ABI2: variants seen among roughly 807,000 people sequenced by gnomAD.
The protein encoded by ABI2 is abelson interactor 2.
A neutral mutation model predicts 59.2 loss-of-function variants in ABI2; 25 were observed. That is an observed-to-expected ratio of 0.42 (90% confidence interval 0.31 to 0.59). The LOEUF (loss-of-function observed/expected upper bound fraction) is 0.59, where lower values mean the gene tolerates loss of function less well. ABI2 is among the 20% of genes least tolerant of loss of function. The pLI, the probability that ABI2 is intolerant of heterozygous loss-of-function variation, is 0.14. For missense variants in ABI2, 545 were observed against 681.8 expected (o/e 0.80, Z 2.23); for synonymous variants, 213 against 235.5 (o/e 0.90, Z 0.87).
In ABI2 at chr2:203,395,669, A is replaced by G. The variant is rs1341436887; in HGVS notation, c.739A>G (p.Ser247Gly). 6.2e-7 allele frequency: 1 copy of G among 1,611,538 alleles called. No homozygotes were observed. Residue 247 changes from serine (S) to glycine (G), a missense_variant, in exon 7 of 12, where the codon AGT becomes GGT. By Grantham distance (56) the Ser-to-Gly change is moderately conservative (BLOSUM62 0). Coordinates refer to ENST00000261018, the MANE Select transcript of ABI2 (RefSeq NM_001375670.1). ...RNRTYSSSGS[S>G]GGSHPSSRSS... ...TTATTTCTTTAGCAGCAGTGGGAGT[A>G]GTGGAGGGAGCCACCCAAGTAGTCG...
Position 203,415,486 on chromosome 2 carries a change from G to A in ABI2, c.1280-1422G>A, listed in dbSNP as rs7597005. On this transcript the variant is annotated intron_variant, in intron 10 of 11. Coordinates refer to ENST00000261018, the MANE Select transcript of ABI2 (RefSeq NM_001375670.1). Reference sequence around the variant, plus strand: ...CAAAAAATTAGCTGGGTGTGGTGGCGGGCGCCTGTAGTCCCAGCTACTTGG... The same window carrying A: ...CAAAAAATTAGCTGGGTGTGGTGGCAGGCGCCTGTAGTCCCAGCTACTTGG... Among the ~76,000 whole-genome samples the A allele has an allele frequency of 3.1e-3, 467 of 151,956 alleles. 6 individuals carry two copies. Among genetic ancestry groups the A allele is most frequent in the African/African-American group, 9.9e-3 (409 of 41,456 alleles).
chr2:203,338,908 C>CTGTGTGTGTGTG (rs148766477), intron 1 of ABI2, among the ~76,000 whole-genome samples: 10 of 64,032 alleles, frequency 1.6e-4, no homozygotes, highest in African/African-American at 6.8e-4. Context: ...GGGTTTATAT[C>CTGTGTGTGTGTG]TGTGTGTGTG....
At chr2:203,374,014 C>T (rs1490847269) in intron 2 of ABI2, among the ~76,000 whole-genome samples, 1 of 151,722 alleles carries the variant, frequency 6.6e-6, no homozygotes, top group Non-Finnish European at 1.5e-5. Flanking sequence ...CAAAAATTAG[C>T]CAGGTGTGGT....
intron 1 of ABI2, chr2:203,355,436 T>G (rs373314253): frequency 1.2e-5 from 2 of 166,810 alleles, no homozygotes; most frequent in Admixed American, 5.7e-5. Flanking sequence ...TGCTTGAGCC[T>G]GAGAGTTTGA....
intron 4 of ABI2, among the ~76,000 whole-genome samples, chr2:203,384,306 T>TGTTTTG (rs2096347256): frequency 1.4e-5 from 2 of 138,378 alleles, no homozygotes; most frequent in African/African-American, 6.2e-5. Context: ...TTTTTTTTTT[T>TGTTTTG]TTTTTTTTTT....
In ABI2 at chr2:203,395,754, C is replaced by T; in HGVS notation, c.824C>T (p.Thr275Ile). The part of the protein sequence containing the change: ...GSVGVPIAVP[T>I]PSPPSVFPAP... Reference sequence around the variant, plus strand: ...GTGGGGGTTCCTATTGCTGTTCCTACTCCATCTCCTCCCAGTGTCTTTCCA... The same window carrying T: ...GTGGGGGTTCCTATTGCTGTTCCTATTCCATCTCCTCCCAGTGTCTTTCCA... Residue 275 changes from threonine to isoleucine, a missense_variant, in exon 7 of 12, where the codon ACT (threonine) becomes ATT (isoleucine). Around this residue, in one of 4 missense-constraint regions of ABI2, gnomAD observed 410 missense variants for 435.6 expected, o/e 0.94. Coordinates refer to ENST00000261018, the MANE Select transcript of ABI2 (RefSeq NM_001375670.1). 4 of 1,603,778 alleles carry T rather than the reference C, an allele frequency of 2.5e-6. No homozygotes were observed. The highest frequency in any genetic ancestry group is 3.4e-6 in the Non-Finnish European group (4 of 1,175,282).
intron 9 of ABI2, among the ~76,000 whole-genome samples, chr2:203,403,902 C>T (rs1245079206): frequency 2.6e-5 from 4 of 151,740 alleles, no homozygotes; most frequent in Admixed American, 1.3e-4. Context: ...CAGGCACCCA[C>T]GACCACACCC....
At chr2:203,401,494 T>G (rs2097216874) in intron 8 of ABI2, among the ~76,000 whole-genome samples, 1 of 152,108 alleles carries the variant, frequency 6.6e-6, no homozygotes. Flanking sequence ...AGGGAGTGGA[T>G]TATATTATTA....
chr2:203,384,310 T>G (rs1418258858), intron 4 of ABI2, among the ~76,000 whole-genome samples: 34 of 139,714 alleles, frequency 2.4e-4, no homozygotes, highest in East Asian at 8.1e-4. Context: ...TTTTTTTTTT[T>G]TTTTTTTTTT....
At chr2:203,421,766 A>C (rs1580874615) in intron 11 of ABI2, among the ~76,000 whole-genome samples, 2 of 152,154 alleles carry the variant, frequency 1.3e-5, no homozygotes, top group South Asian at 4.1e-4. Flanking sequence ...AGAGATCAAG[A>C]CCATCCAGCC....
At chr2:203,412,494 AAT>A (rs2097718611) in intron 10 of ABI2, among the ~76,000 whole-genome samples, 1 of 152,196 alleles carries the variant, frequency 6.6e-6, no homozygotes, top group African/African-American at 2.4e-5. Context: ...AATTTCTGAA[AAT>A]AGTCTATTTT....
chr2:203,334,575 T>TG (rs1311920066), intron 1 of ABI2, among the ~76,000 whole-genome samples: 1 of 151,898 alleles, frequency 6.6e-6, no homozygotes, highest in African/African-American at 2.4e-5. Context: ...CCAGAGATTC[T>TG]GGGAAAAAAA....
chr2:203,427,079 T>C (rs1559405131), intron 11 of ABI2, 98 bp from the exon 12 acceptor site: 1 of 1,068,952 alleles, frequency 9.4e-7, no homozygotes, highest in Non-Finnish European at 1.4e-6. Flanking sequence ...GTTTGAGTGC[T>C]ACAGGATTTG....
chr2:203,349,729 G>A (rs191124810), intron 1 of ABI2, among the ~76,000 whole-genome samples: 1 of 149,892 alleles, frequency 6.7e-6, no homozygotes, highest in African/African-American at 2.5e-5. Flanking sequence ...TTTTTTTTAC[G>A]GCTGAATAAT....
Position 203,431,421 on chromosome 2 carries a change from C to T in ABI2, c.*4069C>T, listed in dbSNP as rs937870154. 2 of 152,540 alleles carry T rather than the reference C, an allele frequency of 1.3e-5. No homozygotes were observed. The highest frequency in any genetic ancestry group is 4.8e-5 in the African/African-American group (2 of 41,412). The allele number at this position is 152,540 out of a possible 1,614,324, so 9.4% of individuals were successfully genotyped here. ...AGACATGCCATGTTTTGGTAAATAC[C>T]ATCAGAGTTGTGTAAAGGCGTGTAC... On this transcript the variant is annotated 3_prime_UTR_variant, in exon 12 of 12. Coordinates refer to ENST00000261018, the MANE Select transcript of ABI2 (RefSeq NM_001375670.1).
intron 1 of ABI2, among the ~76,000 whole-genome samples, chr2:203,338,953 T>A (rs1337182699): frequency 1.1e-4 from 1 of 9,248 alleles, no homozygotes; most frequent in Non-Finnish European, 2.2e-4. Context: ...TATATATATA[T>A]ATATATATAA....
At chr2:203,334,947 A>C (rs1479953095) in intron 1 of ABI2, among the ~76,000 whole-genome samples, 1 of 152,096 alleles carries the variant, frequency 6.6e-6, no homozygotes, top group East Asian at 1.9e-4. Flanking sequence ...AGCGTAAGCC[A>C]CCGTGCCTGG....
At chr2:203,365,035 G>T (rs183611372) in intron 1 of ABI2, among the ~76,000 whole-genome samples, 1 of 152,126 alleles carries the variant, frequency 6.6e-6, no homozygotes, top group African/African-American at 2.4e-5. Context: ...CGCCTGGCCA[G>T]CGTTATGCTT....
intron 2 of ABI2, among the ~76,000 whole-genome samples, chr2:203,377,597 T>A (rs898886161): frequency 6.6e-6 from 1 of 152,212 alleles, no homozygotes; most frequent in Non-Finnish European, 1.5e-5. Context: ...TTTTAATGAT[T>A]TAGAATGACT....
Sources: allele counts gnomAD v4.1 joint callset (sites outside exome capture counted in the v4.1 genomes callset), GRCh38; gene constraint gnomAD v4.1.1; regional missense constraint gnomAD v4.1.1; transcripts MANE v1.5; gene names NCBI Gene and HGNC (gene_info 2026-07-23, HGNC 2026-07-21).